PCBP3: variants seen among roughly 807,000 people sequenced by gnomAD.
PCBP3 encodes the protein poly(rC) binding protein 3, also known as poly(rC)-binding protein 3.
In PCBP3, 25 loss-of-function variants were observed where a neutral mutation model predicts 52.7. The ratio of observed to expected loss-of-function variants is 0.47; its 90% confidence interval spans 0.35 to 0.66. The LOEUF is 0.66. Among genes scored for constraint, PCBP3 ranks in the 30% least tolerant of loss-of-function variants. The probability of loss-of-function intolerance (pLI) is 0.01; values close to 1 mark genes in which losing one functional copy is unlikely to be tolerated. For missense variants in PCBP3, 391 were observed against 490.3 expected (o/e 0.80, Z 1.91); for synonymous variants, 162 against 183.0 (o/e 0.89, Z 0.93).
chr21:45,823,964 A>T (rs2093229386), intron 4 of PCBP3, among the ~76,000 whole-genome samples: 1 of 151,332 alleles, frequency 6.6e-6, no homozygotes, highest in Non-Finnish European at 1.5e-5. Flanking sequence ...CTGGTCTCAA[A>T]CTCCTGACCT....
chr21:45,864,265 G>A (rs745755165), intron 5 of PCBP3, among the ~76,000 whole-genome samples: 12 of 152,184 alleles, frequency 7.9e-5, no homozygotes, highest in South Asian at 2.1e-4. Flanking sequence ...CGCCACTAGC[G>A]TGGGGTACTG....
intron 4 of PCBP3, among the ~76,000 whole-genome samples, chr21:45,807,651 C>T (rs1278450514): frequency 6.6e-6 from 1 of 151,524 alleles, no homozygotes; most frequent in Non-Finnish European, 1.5e-5. Flanking sequence ...ATGAAGCTAC[C>T]ATTGACTTAC....
At chr21:45,691,652 A>G (rs1397416276) in intron 2 of PCBP3, among the ~76,000 whole-genome samples, 1 of 152,040 alleles carries the variant, frequency 6.6e-6, no homozygotes, top group Non-Finnish European at 1.5e-5. Context: ...CAAAAACTGT[A>G]TTTCTAAAAT....
At chr21:45,920,959 C>T (rs2074351094) in intron 13 of PCBP3, among the ~76,000 whole-genome samples, 1 of 152,228 alleles carries the variant, frequency 6.6e-6, no homozygotes, top group Admixed American at 6.5e-5. Context: ...AAGTATCTCT[C>T]TGTGGAAGAC....
chr21:45,890,713 T>A (rs1883234427), intron 5 of PCBP3, among the ~76,000 whole-genome samples: 1 of 149,244 alleles, frequency 6.7e-6, no homozygotes, highest in Non-Finnish European at 1.5e-5. Flanking sequence ...AACCTGGAAC[T>A]CTGTGCACTG....
chr21:45,823,336 C>G (rs1211857509), intron 4 of PCBP3, among the ~76,000 whole-genome samples: 1 of 152,170 alleles, frequency 6.6e-6, no homozygotes, highest in Admixed American at 6.5e-5. Flanking sequence ...GCCTTAATTC[C>G]TTCAGGGGAC....
chr21:45,646,107 CTG>C (rs765931494), intron 1 of PCBP3, among the ~76,000 whole-genome samples: 1,498 of 83,760 alleles, frequency 0.018, 40 homozygotes, highest in African/African-American at 0.063. Context: ...CTCTCTCTCT[CTG>C]TGTGTGTGTG....
intron 4 of PCBP3, among the ~76,000 whole-genome samples, chr21:45,777,971 T>C (rs921018755): frequency 2.1e-5 from 2 of 94,648 alleles, no homozygotes; most frequent in Non-Finnish European, 5.4e-5. Flanking sequence ...GGGGAGGGCC[T>C]TTTTTTTTTT....
At chr21:45,833,952 C>T (rs942830359) in intron 4 of PCBP3, among the ~76,000 whole-genome samples, 11 of 152,156 alleles carry the variant, frequency 7.2e-5, no homozygotes, top group African/African-American at 2.4e-4. Flanking sequence ...ACCATGTTGG[C>T]GATTGACTCA....
Position 45,850,099 on chromosome 21 carries a change from AG to A in PCBP3, c.10+5del. On this transcript the variant is annotated splice_donor_5th_base_variant and intron_variant, in intron 5 of 17. Coordinates refer to ENST00000681687, the MANE Select transcript of PCBP3 (RefSeq NM_001384156.1). ...TATAGCCTGCTTATGGGGGAAGGTG[AG>A]TTACTGTCTTTTGTTTCCATGTTTG... The A allele has an allele frequency of 6.5e-7, 1 of 1,550,172 alleles. No individual in the cohort carries two copies. The highest frequency in any genetic ancestry group is 8.7e-7 in the Non-Finnish European group (1 of 1,145,614).
intron 2 of PCBP3, among the ~76,000 whole-genome samples, chr21:45,731,167 A>C (rs953031280): frequency 3.3e-5 from 5 of 151,984 alleles, no homozygotes; most frequent in African/African-American, 1.2e-4. Context: ...TATTACCTTT[A>C]CTAGCTTTGT....
At chr21:45,866,575 G>A (rs741955) in intron 5 of PCBP3, among the ~76,000 whole-genome samples, 55,478 of 151,998 alleles carry the variant, frequency 0.36, 11,543 homozygotes, top group East Asian at 0.67. Flanking sequence ...TGAAGGGTCT[G>A]TGTCTCTGGG....
intron 11 of PCBP3, among the ~76,000 whole-genome samples, chr21:45,911,985 G>A (rs903875043): frequency 2.6e-5 from 4 of 152,228 alleles, no homozygotes; most frequent in African/African-American, 9.6e-5. Context: ...GAGGCCCTGC[G>A]GGCCGAGGCT....
At chr21:45,645,879 A>G (rs1225077480) in intron 1 of PCBP3, among the ~76,000 whole-genome samples, 1 of 152,222 alleles carries the variant, frequency 6.6e-6, no homozygotes, top group Admixed American at 6.5e-5. Context: ...GCTTTGGGCC[A>G]TAACCAAGGA....
intron 4 of PCBP3, among the ~76,000 whole-genome samples, chr21:45,765,498 G>A (rs1423256020): frequency 6.6e-6 from 1 of 152,238 alleles, no homozygotes; most frequent in Non-Finnish European, 1.5e-5. Flanking sequence ...CTGCGAATGT[G>A]CTCTCCCGGC....
chr21:45,695,055 A>G (rs1231547250), intron 2 of PCBP3, among the ~76,000 whole-genome samples: 3 of 152,214 alleles, frequency 2.0e-5, no homozygotes, highest in African/African-American at 7.2e-5. Context: ...CATTATGAGG[A>G]TATACTATCA....
intron 4 of PCBP3, among the ~76,000 whole-genome samples, chr21:45,815,811 T>G (rs2092918021): frequency 1.2e-5 from 1 of 85,206 alleles, no homozygotes; most frequent in Admixed American, 1.2e-4. Flanking sequence ...GAGTGAGTGG[T>G]GAGTGAGTGG....
chr21:45,828,395 C>T (rs184713363), intron 4 of PCBP3: 2 of 152,350 alleles, frequency 1.3e-5, no homozygotes, highest in East Asian at 3.9e-4. Flanking sequence ...CCCTCGTGCT[C>T]TGGAAACCTG....
At chr21:45,771,688 A>G (rs1371806563) in intron 4 of PCBP3, among the ~76,000 whole-genome samples, 2 of 152,176 alleles carry the variant, frequency 1.3e-5, no homozygotes, top group African/African-American at 4.8e-5. Context: ...ACTTTCCCCT[A>G]AGATGAGGAG....
Sources: gnomAD v4.1 joint callset for allele counts (sites outside exome capture counted in the v4.1 genomes callset) on GRCh38, gnomAD v4.1.1 for gene constraint, MANE v1.5 for transcripts, NCBI Gene and HGNC (gene_info 2026-07-23, HGNC 2026-07-21) for gene names.